DSCAM: variants seen among roughly 807,000 people sequenced by gnomAD.
DSCAM encodes cell adhesion molecule DSCAM.
A neutral mutation model predicts 217.7 loss-of-function variants in DSCAM; 47 were observed. The ratio of observed to expected loss-of-function variants is 0.22; its 90% CI spans 0.17 to 0.28. The LOEUF is 0.28. Ranked by LOEUF, DSCAM falls within the 10% of genes least tolerant of loss-of-function variation. The pLI, the probability that DSCAM is intolerant of heterozygous loss-of-function variation, is 1.00. For missense variants in DSCAM, 2,080 were observed against 2,618.3 expected, an observed-to-expected ratio of 0.79 and a Z score of 4.49; for synonymous variants, 1,056 against 1,015.3, an observed-to-expected ratio of 1.04 and a Z score of -0.76.
chr21:40,463,255 T>C (rs150114454), intron 3 of DSCAM, among the ~76,000 whole-genome samples: 4 of 152,022 alleles, frequency 2.6e-5, no homozygotes, highest in African/African-American at 9.6e-5. Context: ...TAAAATGCAC[T>C]TTAAAAATAA....
chr21:40,578,717 G>A (rs751933269), intron 3 of DSCAM, among the ~76,000 whole-genome samples: 13 of 152,112 alleles, frequency 8.5e-5, no homozygotes, highest in African/African-American at 1.7e-4. Context: ...GAGGGTCTGC[G>A]GCTTCACTCC....
At chr21:40,405,308 C>T (rs186599505) in intron 3 of DSCAM, among the ~76,000 whole-genome samples, 18 of 152,288 alleles carry the variant, frequency 1.2e-4, no homozygotes, top group Admixed American at 3.9e-4. Flanking sequence ...TATATAATAT[C>T]TATGCATGCA....
chr21:40,380,203 G>A (rs1398199186), intron 3 of DSCAM, among the ~76,000 whole-genome samples: 1 of 152,128 alleles, frequency 6.6e-6, no homozygotes, highest in Non-Finnish European at 1.5e-5. Flanking sequence ...ACCCTATTTA[G>A]TTTGTTAATG....
chr21:40,518,252 C>T (rs904142790), intron 3 of DSCAM, among the ~76,000 whole-genome samples: 2 of 138,856 alleles, frequency 1.4e-5, no homozygotes, highest in East Asian at 4.2e-4. Context: ...GAGATGCGTC[C>T]TGTCTTGCTG....
chr21:40,636,440 G>A (rs748499119), intron 3 of DSCAM, among the ~76,000 whole-genome samples: 4 of 152,070 alleles, frequency 2.6e-5, no homozygotes, highest in Non-Finnish European at 5.9e-5. Context: ...CTGCAGCCAG[G>A]AATGGAAATA....
Position 40,704,175 on chromosome 21 carries a change from G to T in DSCAM, c.361+4279C>A, listed in dbSNP as rs139520173. ...GCCCTAAAAAAATCCCCTGTGCTCC[G>T]TCTGTTCAACCCTCCCTCCCTCCTG... On this transcript the variant is annotated intron_variant, in intron 2 of 32. Coordinates refer to ENST00000400454, the MANE Select transcript of DSCAM (RefSeq NM_001389.5). Among the ~76,000 whole-genome samples, 11 of 152,044 alleles carry T rather than the reference G, an allele frequency of 7.2e-5. No individual in the cohort carries two copies. In the East Asian group the frequency reaches 2.1e-3, roughly 29 times the overall value.
chr21:40,427,323 C>T (rs990626766), intron 3 of DSCAM, among the ~76,000 whole-genome samples: 10 of 151,942 alleles, frequency 6.6e-5, no homozygotes, highest in South Asian at 2.1e-4. Context: ...CCATGGCCCT[C>T]GGCATGAACC....
chr21:40,408,431 G>T (rs777298667), intron 3 of DSCAM, among the ~76,000 whole-genome samples: 1 of 152,020 alleles, frequency 6.6e-6, no homozygotes, highest in Non-Finnish European at 1.5e-5. Context: ...AATGTGAAGG[G>T]ACATGCTGGT....
chr21:40,729,951 T>A (rs1395192120), intron 1 of DSCAM, among the ~76,000 whole-genome samples: 1 of 152,168 alleles, frequency 6.6e-6, no homozygotes, highest in Non-Finnish European at 1.5e-5. Context: ...CACAGAAACG[T>A]CTCTGAAAAG....
intron 1 of DSCAM, among the ~76,000 whole-genome samples, chr21:40,726,722 C>A (rs2090959224): frequency 6.6e-6 from 1 of 152,094 alleles, no homozygotes; most frequent in Admixed American, 6.6e-5. Flanking sequence ...GAATGTTTGC[C>A]CCCACTCGAA....
rs374673631 is a variant in DSCAM, at chr21:40,841,376, C to T, written c.43+5243G>A. Among the ~76,000 whole-genome samples, 207 of 152,306 alleles carry T rather than the reference C, an allele frequency of 1.4e-3. 2 individuals carry two copies. The highest frequency in any genetic ancestry group is 4.3e-3 in the African/African-American group (179 of 41,566). The stretch of plus-strand genomic sequence containing the variant: ...TCCATTCCCACTGCCTTATCTTAAC[C>T]CATAGATTCGGCAAGGGAAATGCAA... On this transcript the variant is annotated intron_variant, in intron 1 of 32. Coordinates refer to ENST00000400454, the MANE Select transcript of DSCAM (RefSeq NM_001389.5).
intron 18 of DSCAM, among the ~76,000 whole-genome samples, chr21:40,135,524 C>T (rs1029472658): frequency 6.6e-6 from 1 of 152,210 alleles, no homozygotes; most frequent in Non-Finnish European, 1.5e-5. Context: ...TCTCCTCAGT[C>T]GCTCTGGGAA....
intron 3 of DSCAM, among the ~76,000 whole-genome samples, chr21:40,461,764 G>T (rs79461942): frequency 1.3e-5 from 2 of 152,210 alleles, no homozygotes; most frequent in South Asian, 2.1e-4. Context: ...CATCAGAGCC[G>T]GCGATGCAAT....
chr21:40,545,681 T>C (rs546778078), intron 3 of DSCAM, among the ~76,000 whole-genome samples: 1 of 152,148 alleles, frequency 6.6e-6, no homozygotes, highest in African/African-American at 2.4e-5. Flanking sequence ...GTGTGAAATA[T>C]GCACACCATC....
intron 3 of DSCAM, among the ~76,000 whole-genome samples, chr21:40,649,910 T>A (rs1331061172): frequency 6.6e-6 from 1 of 152,092 alleles, no homozygotes; most frequent in African/African-American, 2.4e-5. Flanking sequence ...CAGAGTAGAG[T>A]TTGCTCCAGG....
At chr21:40,263,886 C>G (rs374942696) in intron 11 of DSCAM, among the ~76,000 whole-genome samples, 1 of 152,088 alleles carries the variant, frequency 6.6e-6, no homozygotes, top group Middle Eastern at 3.2e-3. Context: ...ACTGACACCA[C>G]AGAAATGCAA....
intron 24 of DSCAM, among the ~76,000 whole-genome samples, chr21:40,082,800 T>A (rs1388139078): frequency 2.0e-5 from 3 of 152,132 alleles, no homozygotes; most frequent in Non-Finnish European, 2.9e-5. Flanking sequence ...ATTTGTAGCA[T>A]TTCTGATTTC....
intron 10 of DSCAM, among the ~76,000 whole-genome samples, chr21:40,290,595 TG>T (rs1249616328): frequency 2.6e-5 from 4 of 152,194 alleles, no homozygotes; most frequent in Non-Finnish European, 5.9e-5. Flanking sequence ...CACTCCAGCC[TG>T]GGCAACAGAG....
chr21:40,402,337 G>T (rs1416391958), intron 3 of DSCAM, among the ~76,000 whole-genome samples: 1 of 150,090 alleles, frequency 6.7e-6, no homozygotes, highest in Admixed American at 6.7e-5. Context: ...CCAAAGTGGT[G>T]GGATTACAGG....
Sources: gnomAD v4.1 joint callset for allele counts (sites outside exome capture counted in the v4.1 genomes callset) on GRCh38, gnomAD v4.1.1 for gene constraint, MANE v1.5 for transcripts, NCBI Gene and HGNC (gene_info 2026-07-23, HGNC 2026-07-21) for gene names.